Variants in DNAJC1 observed in about 807,000 individuals in gnomAD.
The protein encoded by DNAJC1 is dnaJ homolog subfamily C member 1.
Under a neutral mutation model 76.6 loss-of-function variants are expected in DNAJC1, and 58 were observed. The observed-to-expected ratio is 0.76, with a 90% CI of 0.61 to 0.94. The LOEUF (loss-of-function observed/expected upper bound fraction) is 0.94, where lower values mean the gene tolerates loss of function less well. Ranked by LOEUF, DNAJC1 falls within the 40% of genes least tolerant of loss-of-function variation. The probability of loss-of-function intolerance (pLI) is 0.00; values close to 1 mark genes in which losing one functional copy is unlikely to be tolerated. For synonymous variants in DNAJC1, 258 were observed against 267.9 expected, an observed-to-expected ratio of 0.96 and a Z score of 0.36; for missense variants, 689 against 677.3, an observed-to-expected ratio of 1.02 and a Z score of -0.19.
At chr10:21,940,315 T>C (rs1837385601) in intron 1 of DNAJC1, among the ~76,000 whole-genome samples, 2 of 152,192 alleles carry the variant, frequency 1.3e-5, no homozygotes, top group African/African-American at 4.8e-5. Flanking sequence ...GGAGAGGCTT[T>C]GGGTTTCTCC....
intron 8 of DNAJC1, among the ~76,000 whole-genome samples, chr10:21,816,909 C>T (rs1208952387): frequency 4.2e-5 from 6 of 143,140 alleles, no homozygotes; most frequent in Non-Finnish European, 7.6e-5. Flanking sequence ...AACCCCAGCA[C>T]TTTGGGAGGC....
At chr10:22,000,987 C>T (rs1838509784) in intron 1 of DNAJC1, among the ~76,000 whole-genome samples, 1 of 152,202 alleles carries the variant, frequency 6.6e-6, no homozygotes, top group African/African-American at 2.4e-5. Context: ...ATGGCTTACT[C>T]CCTAACTTCT....
chr10:21,828,897 T>C (rs1423226712), intron 8 of DNAJC1, among the ~76,000 whole-genome samples: 1 of 152,248 alleles, frequency 6.6e-6, no homozygotes, highest in Non-Finnish European at 1.5e-5. Context: ...TATATCAGAA[T>C]AATCCATATA....
At chr10:21,995,959 TTAAAA>T (rs1331874763) in intron 1 of DNAJC1, among the ~76,000 whole-genome samples, 2 of 152,224 alleles carry the variant, frequency 1.3e-5, no homozygotes, top group Non-Finnish European at 2.9e-5. Flanking sequence ...TATTCAGTTC[TTAAAA>T]TGAAATACTA....
rs191182192 is a variant in DNAJC1 at position 21,867,611 on chromosome 10, C to T, written c.978+14671G>A. ...AGCTGCAGCTAGGGACCGATAAGAC[C>T]CTGAAAACCCAGGAGTAGATCAAGC... is the stretch of plus-strand genomic sequence containing the variant. On this transcript the variant is annotated intron_variant, in intron 8 of 11. Coordinates refer to ENST00000376980, the MANE Select transcript of DNAJC1 (RefSeq NM_022365.4). 1.3e-4 allele frequency among the ~76,000 whole-genome samples: 20 copies of T among 152,118 alleles called. No individual in the cohort carries two copies. In the East Asian group the frequency reaches 3.3e-3, roughly 25 times the overall value.
At chr10:21,772,653 A>G (rs1036186424) in intron 9 of DNAJC1, among the ~76,000 whole-genome samples, 1 of 151,846 alleles carries the variant, frequency 6.6e-6, no homozygotes, top group African/African-American at 2.4e-5. Flanking sequence ...ACTTAAATGC[A>G]TGTTAATTTT....
intron 9 of DNAJC1, among the ~76,000 whole-genome samples, chr10:21,788,296 T>TGGGCA (rs1373512833): frequency 7.2e-5 from 11 of 152,240 alleles, no homozygotes; most frequent in Non-Finnish European, 1.5e-4. Flanking sequence ...GTCCCTGGGC[T>TGGGCA]GCCTGGGCAG....
At chr10:21,768,151 T>C (rs936717571) in intron 9 of DNAJC1, among the ~76,000 whole-genome samples, 3 of 152,220 alleles carry the variant, frequency 2.0e-5, no homozygotes, top group Non-Finnish European at 4.4e-5. Flanking sequence ...TTCAAATGAA[T>C]AGTTAATTGC....
At chr10:21,813,243 T>TACAC (rs1554887889) in intron 8 of DNAJC1, among the ~76,000 whole-genome samples, 1 of 130,918 alleles carries the variant, frequency 7.6e-6, no homozygotes, top group Non-Finnish European at 1.6e-5. Flanking sequence ...TATATATATA[T>TACAC]ACACATACAG....
intron 1 of DNAJC1, among the ~76,000 whole-genome samples, chr10:21,948,367 G>T (rs192812898): frequency 8.2e-4 from 125 of 152,234 alleles, no homozygotes; most frequent in Non-Finnish European, 9.7e-4. Context: ...AATTTTAGGA[G>T]CAAAGTAAAT....
chr10:21,868,659 G>C (rs1256532328), intron 8 of DNAJC1, among the ~76,000 whole-genome samples: 2 of 151,998 alleles, frequency 1.3e-5, no homozygotes, highest in Non-Finnish European at 2.9e-5. Context: ...CAAAACTGTA[G>C]AGAATTGGTT....
chr10:21,956,296 T>C (rs1038579353), intron 1 of DNAJC1, among the ~76,000 whole-genome samples: 17 of 152,212 alleles, frequency 1.1e-4, no homozygotes, highest in African/African-American at 4.1e-4. Flanking sequence ...AGAGCCTTCA[T>C]GACCTAATCA....
At chr10:21,992,580 T>G (rs967380302) in intron 1 of DNAJC1, among the ~76,000 whole-genome samples, 1 of 152,146 alleles carries the variant, frequency 6.6e-6, no homozygotes, top group Non-Finnish European at 1.5e-5. Flanking sequence ...GTTCATCTGT[T>G]TTTTACATTC....
At chr10:21,774,405 ACT>A (rs565571703) in intron 9 of DNAJC1, among the ~76,000 whole-genome samples, 1 of 152,148 alleles carries the variant, frequency 6.6e-6, no homozygotes, top group African/African-American at 2.4e-5. Context: ...GATTCATATA[ACT>A]CTCTAACATC....
intron 8 of DNAJC1, among the ~76,000 whole-genome samples, chr10:21,834,783 G>A (rs1266400161): frequency 2.0e-5 from 3 of 152,192 alleles, no homozygotes; most frequent in Admixed American, 1.3e-4. Flanking sequence ...AGGGGCACCC[G>A]CCATTGCCAA....
intron 9 of DNAJC1, among the ~76,000 whole-genome samples, chr10:21,786,648 G>A (rs1834615386): frequency 6.6e-6 from 1 of 151,790 alleles, no homozygotes; most frequent in Non-Finnish European, 1.5e-5. Flanking sequence ...GCTAATTTTG[G>A]TATTTTTAGT....
intron 1 of DNAJC1, among the ~76,000 whole-genome samples, chr10:21,978,131 A>T (rs547790154): frequency 1.8e-4 from 27 of 152,064 alleles, no homozygotes; most frequent in South Asian, 4.1e-4. Flanking sequence ...ATTCCTCATC[A>T]TCCAAATATA....
chr10:21,803,629 A>ATG lies in DNAJC1; in HGVS notation c.1098+2349_1098+2350dup, dbSNP rs369489273. Among the ~76,000 whole-genome samples, 460 of 130,920 alleles carry ATG rather than the reference A, an allele frequency of 3.5e-3. 2 individuals are homozygous for ATG. The highest frequency in any genetic ancestry group is 0.012 in the African/African-American group (406 of 34,040). The allele number at this position is 130,920 out of a possible 152,430, so 85.9% of individuals were successfully genotyped here. ...TGTGTGTGTGTGTGTGTGTGTATGT[A>ATG]TGTGTGTGTGTGTGTGGACATATGC... On this transcript the variant is annotated intron_variant, in intron 9 of 11. Coordinates refer to ENST00000376980, the MANE Select transcript of DNAJC1 (RefSeq NM_022365.4).
At chr10:21,992,604 T>G (rs986840677) in intron 1 of DNAJC1, among the ~76,000 whole-genome samples, 9 of 152,234 alleles carry the variant, frequency 5.9e-5, no homozygotes, top group Non-Finnish European at 8.8e-5. Flanking sequence ...AATGTGACTT[T>G]TAGAAAATTT....
Sources: gnomAD v4.1 joint callset for allele counts (sites outside exome capture counted in the v4.1 genomes callset) on GRCh38, gnomAD v4.1.1 for gene constraint, MANE v1.5 for transcripts, NCBI Gene and HGNC (gene_info 2026-07-23, HGNC 2026-07-21) for gene names.